RHOBTB1: variants seen among roughly 807,000 people sequenced by gnomAD.
RHOBTB1 encodes the protein rho-related BTB domain-containing protein 1.
In RHOBTB1, 40 loss-of-function variants were observed where a neutral mutation model predicts 71.6. The observed-to-expected ratio is 0.56, with a 90% confidence interval of 0.43 to 0.73. RHOBTB1 has a LOEUF of 0.73. Among genes scored for constraint, RHOBTB1 ranks in the 30% least tolerant of loss-of-function variants. The probability of loss-of-function intolerance (pLI) is 0.00; values close to 1 mark genes in which losing one functional copy is unlikely to be tolerated. For synonymous variants in RHOBTB1, 319 were observed against 334.9 expected (o/e 0.95, Z 0.52); for missense variants, 797 against 894.0 (o/e 0.89, Z 1.38).
At chr10:60,865,995 C>T (rs1321444268), downstream of RHOBTB1, among the ~76,000 whole-genome samples, 1 of 152,114 alleles carries the variant, frequency 6.6e-6, no homozygotes, top group Non-Finnish European at 1.5e-5. Flanking sequence ...CCACACCCGG[C>T]TAATTTTTGT....
In RHOBTB1 at chr10:60,886,718, G is replaced by T. The variant is rs10082527; in HGVS notation, c.1457-488C>A. Among the ~76,000 whole-genome samples the T allele has an allele frequency of 3.4e-3, 306 of 89,956 alleles. 2 individuals carry two copies. The highest frequency in any genetic ancestry group is 5.6e-3 in the African/African-American group (137 of 24,286). The allele number at this position is 89,956 out of a possible 152,430, so 59.0% of individuals were successfully genotyped here. On this transcript the variant is annotated intron_variant, in intron 6 of 10. Coordinates refer to ENST00000337910, the MANE Select transcript of RHOBTB1 (RefSeq NM_014836.5). Reference sequence around the variant, plus strand: ...AATTACTGTTTTTTTTAAGAGATGTGGGGGGGGGTGGGTCTGGCTATGTTG... The same window carrying T: ...AATTACTGTTTTTTTTAAGAGATGTTGGGGGGGGTGGGTCTGGCTATGTTG...
intron 2 of RHOBTB1, among the ~76,000 whole-genome samples, chr10:60,980,185 T>G (rs1187335718): frequency 6.6e-6 from 1 of 152,196 alleles, no homozygotes; most frequent in Admixed American, 6.6e-5. Context: ...CGCTTTGCAT[T>G]AGCTTAATGA....
intron 2 of RHOBTB1, among the ~76,000 whole-genome samples, chr10:60,927,484 C>CA (rs2083953026): frequency 1.3e-5 from 2 of 151,974 alleles, no homozygotes; most frequent in South Asian, 2.1e-4. Context: ...CTATAGTAAC[C>CA]AAAAAAGCAT....
chr10:60,967,237 GA>G (rs11320147), intron 2 of RHOBTB1, among the ~76,000 whole-genome samples: 77,536 of 141,480 alleles, frequency 0.55, 21,073 homozygotes, highest in East Asian at 0.77. Flanking sequence ...AGACCAATTA[GA>G]AAAAAAAAAT....
chr10:60,950,263 C>CA (rs1221015414), intron 2 of RHOBTB1, among the ~76,000 whole-genome samples: 2 of 151,936 alleles, frequency 1.3e-5, no homozygotes, highest in African/African-American at 4.8e-5. Flanking sequence ...TTTTAAAAAG[C>CA]AAAAATATGA....
intron 9 of RHOBTB1, 41 bp downstream of exon 9, chr10:60,874,913 A>G (rs1281919613): frequency 2.3e-6 from 3 of 1,331,890 alleles, no homozygotes; most frequent in Non-Finnish European, 3.3e-6. Context: ...AAATGAACTG[A>G]TTGAACACAC....
At chr10:60,882,713 C>G (rs1323906092) in intron 7 of RHOBTB1, among the ~76,000 whole-genome samples, 1 of 152,078 alleles carries the variant, frequency 6.6e-6, no homozygotes, top group Admixed American at 6.6e-5. Flanking sequence ...CAAGTGTGAA[C>G]ATGGACCTAT....
intron 2 of RHOBTB1, among the ~76,000 whole-genome samples, chr10:60,924,112 T>C (rs190138413): frequency 1.3e-5 from 2 of 152,268 alleles, no homozygotes; most frequent in African/African-American, 4.8e-5. Context: ...TCTGTGTATT[T>C]TTTTTCAGTA....
upstream of RHOBTB1, among the ~76,000 whole-genome samples, chr10:60,949,022 T>C (rs78401589): frequency 8.5e-3 from 1,299 of 152,334 alleles, 14 homozygotes; most frequent in African/African-American, 0.029. Flanking sequence ...ACAGGTCTAA[T>C]AGGCTGTTGG....
At chr10:60,927,490 A>C (rs949520735) in intron 2 of RHOBTB1, among the ~76,000 whole-genome samples, 4 of 152,212 alleles carry the variant, frequency 2.6e-5, no homozygotes, top group African/African-American at 9.6e-5. Context: ...TAACCAAAAA[A>C]GCATGGGACA....
At chr10:60,917,652 T>G (rs2083336923) in intron 2 of RHOBTB1, among the ~76,000 whole-genome samples, 1 of 152,120 alleles carries the variant, frequency 6.6e-6, no homozygotes, top group Admixed American at 6.6e-5. Flanking sequence ...CATGGCTTTA[T>G]CCAAACCTAA....
intron 9 of RHOBTB1, among the ~76,000 whole-genome samples, chr10:60,872,860 T>C (rs2080866410): frequency 6.6e-6 from 1 of 152,168 alleles, no homozygotes; most frequent in South Asian, 2.1e-4. Context: ...AGGTGGCAGC[T>C]GAGGTGGCTA....
intron 8 of RHOBTB1, among the ~76,000 whole-genome samples, chr10:60,875,767 A>G (rs1019145649): frequency 3.3e-5 from 5 of 152,170 alleles, no homozygotes; most frequent in Admixed American, 2.0e-4. Context: ...CAGTAGGAAG[A>G]GCCATTTTTG....
Position 60,888,752 on chromosome 10 carries a change from C to A in RHOBTB1, c.916G>T (p.Gly306Trp), listed in dbSNP as rs1349780721. 1 of 1,614,182 alleles carries A rather than the reference C, an allele frequency of 6.2e-7. No homozygotes were observed. The highest frequency in any genetic ancestry group is 8.5e-7 in the Non-Finnish European group (1 of 1,180,024). ...TCTTTCTCACAGGCTCCTTCACTCC[C>A]ATTTGGGGATTCTTCACATTCCATT... is the stretch of plus-strand genomic sequence containing the variant. ...FLMECEESPN[G>W]SEGACEKEKQ... is the part of the protein sequence containing the mutation. The change falls in exon 6 of 11, where the codon GGG becomes TGG. Residue 306 changes from glycine to tryptophan, a missense_variant. This residue lies in a region of RHOBTB1 where 658 missense variants were observed against 681.5 expected (regional missense o/e 0.97). Coordinates refer to ENST00000337910, the MANE Select transcript of RHOBTB1 (RefSeq NM_014836.5).
chr10:60,926,122 A>C (rs1326813963), intron 2 of RHOBTB1, among the ~76,000 whole-genome samples: 6 of 152,086 alleles, frequency 3.9e-5, no homozygotes, highest in African/African-American at 1.4e-4. Context: ...TACTAATCTC[A>C]GCTACTCGGG....
At chr10:60,904,088 G>A (rs576173186) in intron 4 of RHOBTB1, among the ~76,000 whole-genome samples, 18 of 151,652 alleles carry the variant, frequency 1.2e-4, no homozygotes, top group East Asian at 1.9e-4. Context: ...TCAACCTCCC[G>A]AGTAGCCACA....
intron 2 of RHOBTB1, among the ~76,000 whole-genome samples, chr10:60,982,135 T>G (rs2086516962): frequency 6.6e-6 from 1 of 152,368 alleles, no homozygotes; most frequent in East Asian, 1.9e-4. Flanking sequence ...AAATGACTAC[T>G]TTCTGAGAAA....
intron 2 of RHOBTB1, among the ~76,000 whole-genome samples, chr10:60,917,328 C>T (rs1202612367): frequency 6.6e-6 from 1 of 152,048 alleles, no homozygotes; most frequent in East Asian, 1.9e-4. Flanking sequence ...CCTACTGTGG[C>T]AGCTCTGTCA....
chr10:60,995,073 G>A (rs1383789497), intron 1 of RHOBTB1, among the ~76,000 whole-genome samples: 1 of 152,004 alleles, frequency 6.6e-6, no homozygotes, highest in African/African-American at 2.4e-5. Flanking sequence ...ACATTAAGGT[G>A]TGACTAAAGA....
Sources: allele counts gnomAD v4.1 joint callset (sites outside exome capture counted in the v4.1 genomes callset), GRCh38; gene constraint gnomAD v4.1.1; regional missense constraint gnomAD v4.1.1; transcripts MANE v1.5; gene names NCBI Gene and HGNC (gene_info 2026-07-23, HGNC 2026-07-21).